AKAP19: variants seen among roughly 807,000 people sequenced by gnomAD.
AKAP19 encodes A-kinase anchoring protein 19.
chr2:190,123,567 C>A, the AKAP19 span, among the ~76,000 whole-genome samples: 2 of 152,124 alleles, frequency 1.3e-5, no homozygotes, highest in African/African-American at 2.4e-5. Flanking sequence ...CAGAAAATGT[C>A]AAATTATCTC....
chr2:189,976,254 G>A, the AKAP19 span, among the ~76,000 whole-genome samples: 3 of 152,242 alleles, frequency 2.0e-5, no homozygotes, highest in Non-Finnish European at 4.4e-5. Context: ...TCCAGACCCT[G>A]TTTGCCTGAG....
At chr2:190,173,330 G>C in the AKAP19 span, among the ~76,000 whole-genome samples, 66 of 152,218 alleles carry the variant, frequency 4.3e-4, no homozygotes, top group Admixed American at 4.3e-3. Flanking sequence ...GAATTCATGA[G>C]TACCAATTCA....
the AKAP19 span, among the ~76,000 whole-genome samples, chr2:189,969,066 A>G: frequency 1.3e-5 from 2 of 152,212 alleles, no homozygotes; most frequent in Non-Finnish European, 2.9e-5. Flanking sequence ...TTTACTGTAT[A>G]GGCAAATATA....
chr2:190,006,463 C>T, the AKAP19 span, among the ~76,000 whole-genome samples: 68 of 151,418 alleles, frequency 4.5e-4, no homozygotes, highest in Non-Finnish European at 6.3e-4. Context: ...CTGGCTAACA[C>T]GGTGAAATCC....
chr2:189,960,606 A>G, the AKAP19 span, among the ~76,000 whole-genome samples: 16 of 152,284 alleles, frequency 1.1e-4, no homozygotes, highest in East Asian at 3.1e-3. Context: ...TTTCTCAGAT[A>G]AGAGGATAAG....
the AKAP19 span, among the ~76,000 whole-genome samples, chr2:189,974,574 T>C: frequency 6.6e-6 from 1 of 152,182 alleles, no homozygotes; most frequent in African/African-American, 2.4e-5. Context: ...ATGTTAGCAG[T>C]GGGGTGTTAA....
chr2:189,935,907 G>A, the AKAP19 span, among the ~76,000 whole-genome samples: 1 of 152,034 alleles, frequency 6.6e-6, no homozygotes, highest in African/African-American at 2.4e-5. Flanking sequence ...GGCCTTGTTG[G>A]TCACATGCAT....
chr2:190,050,990 T>A, the AKAP19 span, among the ~76,000 whole-genome samples: 1 of 152,230 alleles, frequency 6.6e-6, no homozygotes, highest in Non-Finnish European at 1.5e-5. Flanking sequence ...ATGTTGCATC[T>A]ACAAAGTAGA....
chr2:189,974,947 G>A, the AKAP19 span, among the ~76,000 whole-genome samples: 1 of 152,150 alleles, frequency 6.6e-6, no homozygotes, highest in African/African-American at 2.4e-5. Context: ...TTGCCAGTCT[G>A]TGTCTTTTAA....
chr2:189,883,018 T>G, the AKAP19 span, among the ~76,000 whole-genome samples: 7 of 152,162 alleles, frequency 4.6e-5, no homozygotes, highest in African/African-American at 7.2e-5. Flanking sequence ...TCACAATTCC[T>G]ATTCCTCCTT....
At chr2:189,956,458 C>T in the AKAP19 span, among the ~76,000 whole-genome samples, 6 of 152,078 alleles carry the variant, frequency 3.9e-5, no homozygotes, top group South Asian at 2.1e-4. Context: ...CGTGAGCCAC[C>T]GCACCCGGCC....
the AKAP19 span, among the ~76,000 whole-genome samples, chr2:190,102,197 AG>A: frequency 6.6e-6 from 1 of 152,194 alleles, no homozygotes; most frequent in Admixed American, 6.5e-5. Flanking sequence ...CAGTCTTAAG[AG>A]GAAAGTTCAT....
chr2:189,940,276 C>A, the AKAP19 span, among the ~76,000 whole-genome samples: 4,642 of 134,774 alleles, frequency 0.034, 286 homozygotes, highest in African/African-American at 0.13. Flanking sequence ...AAGACTTCAT[C>A]TCAAAAAAAA....
chr2:190,109,564 C>A, the AKAP19 span, among the ~76,000 whole-genome samples: 1 of 151,948 alleles, frequency 6.6e-6, no homozygotes, highest in Non-Finnish European at 1.5e-5. Flanking sequence ...GGACTCTTGC[C>A]GATTTGGTCA....
the AKAP19 span, among the ~76,000 whole-genome samples, chr2:190,186,378 CCTCT>C: frequency 6.6e-6 from 1 of 152,148 alleles, no homozygotes; most frequent in African/African-American, 2.4e-5. This position sits in a 1 kb window ranked among gnomAD's most constrained non-coding sequence, Gnocchi z 5.5. Flanking sequence ...ATTTTCTCTG[CCTCT>C]CTATTGAGAA....
At chr2:190,057,392 G>T in the AKAP19 span, 1 of 1,613,536 alleles carries the variant, frequency 6.2e-7, no homozygotes, top group Non-Finnish European at 8.5e-7. Context: ...GAACCTCTGG[G>T]GTTTGCTTGG....
At chr2:190,060,219 T>C in the AKAP19 span, 1 of 1,612,984 alleles carries the variant, frequency 6.2e-7, no homozygotes, top group Admixed American at 1.7e-5. Flanking sequence ...AGTGCCTGGG[T>C]TCATGTCAAG....
chr2:189,924,380 C>T, the AKAP19 span, among the ~76,000 whole-genome samples: 2 of 152,146 alleles, frequency 1.3e-5, no homozygotes, highest in East Asian at 1.9e-4. Context: ...CATATTGCCC[C>T]GCGCCTAGTC....
chr2:189,947,209 A>G, the AKAP19 span, among the ~76,000 whole-genome samples: 3 of 152,342 alleles, frequency 2.0e-5, no homozygotes, highest in East Asian at 5.8e-4. Context: ...TTTAGCCCAT[A>G]TGAAGAACTA....
Sources: gnomAD v4.1 joint callset for allele counts (sites outside exome capture counted in the v4.1 genomes callset) on GRCh38, gnomAD v4.1.1 for gene constraint, Gnocchi (gnomAD v3.1) non-coding constraint, MANE v1.5 for transcripts, NCBI Gene and HGNC (gene_info 2026-07-23, HGNC 2026-07-21) for gene names.